Variants in ABHD12 observed in about 807,000 individuals in gnomAD.
ABHD12 encodes lysophosphatidylserine lipase ABHD12.
A neutral mutation model predicts 58.3 loss-of-function variants in ABHD12; 43 were observed. The observed-to-expected ratio is 0.74, with a 90% confidence interval of 0.58 to 0.95. ABHD12 has a LOEUF of 0.95. Ranked by LOEUF, ABHD12 falls within the 40% of genes least tolerant of loss-of-function variation. The probability of loss-of-function intolerance (pLI) is 0.00; values close to 1 mark genes in which losing one functional copy is unlikely to be tolerated. For missense variants in ABHD12, 539 were observed against 537.2 expected, an observed-to-expected ratio of 1.00 and a Z score of -0.03; for synonymous variants, 219 against 211.2, an observed-to-expected ratio of 1.04 and a Z score of -0.32.
At position 25,301,198 on chromosome 20, in the gene ABHD12, G is replaced by C. The variant is rs2259928; in HGVS notation, c.1158-314C>G. On this transcript the variant is annotated intron_variant, in intron 12 of 12. Coordinates refer to ENST00000339157, the MANE Select transcript of ABHD12 (RefSeq NM_001042472.3). ...TTTTATAATGGGGAAAATTATAACC[G>C]CAAAGCAAACCCATACTCTGAGCCC... Among the ~76,000 whole-genome samples, 68,453 of 152,066 alleles carry C rather than the reference G, an allele frequency of 0.45. 16,026 individuals carry two copies. The highest frequency in any genetic ancestry group is 0.92 in the East Asian group (4,755 of 5,178).
chr20:25,299,877 C>T (rs2088605378), downstream of ABHD12, among the ~76,000 whole-genome samples: 1 of 152,164 alleles, frequency 6.6e-6, no homozygotes, highest in Non-Finnish European at 1.5e-5. Flanking sequence ...GTAATGTCTA[C>T]TCAGCTGCTC....
chr20:25,318,001 G>A (rs898101745), intron 4 of ABHD12, among the ~76,000 whole-genome samples: 1 of 152,186 alleles, frequency 6.6e-6, no homozygotes, highest in Non-Finnish European at 1.5e-5. Context: ...GATGGAGGAG[G>A]AAGCCAATAA....
At chr20:25,387,082 T>G (rs2090101315) in intron 1 of ABHD12, among the ~76,000 whole-genome samples, 1 of 152,050 alleles carries the variant, frequency 6.6e-6, no homozygotes, top group East Asian at 1.9e-4. Context: ...ATTTTTTATT[T>G]TAAAAACATC....
At chr20:25,338,956 G>A (rs980990783) in intron 2 of ABHD12, 13 of 1,234,662 alleles carry the variant, frequency 1.1e-5, no homozygotes, top group Middle Eastern at 7.0e-4. Context: ...CAGTGCTGGG[G>A]AGCAACACTA....
intron 1 of ABHD12, among the ~76,000 whole-genome samples, chr20:25,374,377 T>C (rs1347119671): frequency 6.6e-6 from 1 of 152,230 alleles, no homozygotes. Context: ...CCCTTCAGTG[T>C]AAACTTTACC....
Position 25,307,977 on chromosome 20 carries a change from G to T in ABHD12, c.856C>A (p.Pro286Thr). The stretch of plus-strand genomic sequence containing the variant: ...AAATCTGTACTTGCCACTGAAAATG[G>T]ATGGCTCTTAGCTTCTTCGCGGATA... ...TNIREEAKSHPFSVIYRYFPG... is the reference protein window; with the variant it reads ...TNIREEAKSHTFSVIYRYFPG... The change falls in exon 9 of 13, where the codon CCA (proline) becomes ACA (threonine). Residue 286 changes from proline to threonine, a missense_variant. By Grantham distance (38) the Pro-to-Thr change is conservative. Transcript: ENST00000339157. The T allele has an allele frequency of 1.3e-6, 2 of 1,599,848 alleles. No individual in the cohort carries two copies. Among genetic ancestry groups the T allele is most frequent in the East Asian group, 2.2e-5 (1 of 44,874 alleles).
Position 25,314,918 on chromosome 20 carries a change from A to C in ABHD12, c.619+7T>G, listed in dbSNP as rs2088931990. ...GTGCTCAGATGCTCTTGCAAAAGAA[A>C]TCTCACCTCTGTAGTCAAAGGTGAC... On this transcript the variant is annotated splice_region_variant and intron_variant, in intron 6 of 12. Coordinates refer to ENST00000339157, the MANE Select transcript of ABHD12 (RefSeq NM_001042472.3). The C allele has an allele frequency of 6.2e-7, 1 of 1,614,012 alleles. No homozygotes were observed. Among genetic ancestry groups the C allele is most frequent in the Non-Finnish European group, 8.5e-7 (1 of 1,179,998 alleles).
chr20:25,367,417 G>T (rs112949908), intron 1 of ABHD12, among the ~76,000 whole-genome samples: 41 of 152,196 alleles, frequency 2.7e-4, no homozygotes, highest in African/African-American at 9.2e-4. Flanking sequence ...TTTTTTACAC[G>T]TAACAAAATT....
intron 1 of ABHD12, among the ~76,000 whole-genome samples, chr20:25,389,325 C>A (rs1375155454): frequency 1.3e-5 from 2 of 152,136 alleles, no homozygotes; most frequent in Non-Finnish European, 2.9e-5. Context: ...GTCAAACCAT[C>A]GACTTAGAAG....
At chr20:25,378,460 G>C (rs957202955) in intron 1 of ABHD12, among the ~76,000 whole-genome samples, 3 of 152,180 alleles carry the variant, frequency 2.0e-5, no homozygotes, top group Non-Finnish European at 4.4e-5. Context: ...TCCAGGACCA[G>C]GAGTGGCAAA....
intron 6 of ABHD12, among the ~76,000 whole-genome samples, 198 bp from the exon 7 acceptor site, chr20:25,309,773 A>G (rs1471195718): frequency 1.3e-5 from 2 of 152,100 alleles, no homozygotes; most frequent in Non-Finnish European, 2.9e-5. Flanking sequence ...CCACATCCCC[A>G]CCAGCCCTGG....
intron 10 of ABHD12, among the ~76,000 whole-genome samples, chr20:25,305,369 T>TC (rs976333476): frequency 6.7e-5 from 10 of 149,450 alleles, no homozygotes; most frequent in Non-Finnish European, 3.0e-5. Context: ...CTTTCCCTCT[T>TC]TTTTTTTTTT....
rs1050464208 is a variant in ABHD12, at chr20:25,356,502, G to A, written c.192-17151C>T. ...TGGGCCTTCAGGGCCTTGCTGAACA[G>A]CAGCTGGGCAGGGAGTGTGGCAGAG... On this transcript the variant is annotated intron_variant, in intron 1 of 12. Coordinates refer to ENST00000339157, the MANE Select transcript of ABHD12 (RefSeq NM_001042472.3). Among the ~76,000 whole-genome samples, 9 of 152,370 alleles carry A rather than the reference G, an allele frequency of 5.9e-5. No individual in the cohort carries two copies. In the South Asian group the frequency reaches 1.9e-3, roughly 32 times the overall value.
intron 11 of ABHD12, among the ~76,000 whole-genome samples, chr20:25,302,818 G>C (rs143613258): frequency 2.2e-4 from 34 of 152,286 alleles, no homozygotes; most frequent in Middle Eastern, 6.8e-3. Flanking sequence ...GCCCTGTGTG[G>C]CTCCGTCATC....
intron 5 of ABHD12, 129 bp from the exon 6 acceptor site, chr20:25,315,099 T>A (rs2088935237): frequency 2.1e-6 from 2 of 943,382 alleles, no homozygotes; most frequent in African/African-American, 1.6e-5. Context: ...TCATAAAGAC[T>A]GTGACATGCT....
chr20:25,350,959 T>TCACACACACACACACA (rs61061019), intron 1 of ABHD12, among the ~76,000 whole-genome samples: 1 of 142,222 alleles, frequency 7.0e-6, no homozygotes, highest in Non-Finnish European at 1.5e-5. Flanking sequence ...TACGAATCCT[T>TCACACACACACACACA]CACACACACA....
chr20:25,368,724 C>T, intron 1 of ABHD12: 1 of 1,224,472 alleles, frequency 8.2e-7, no homozygotes, highest in Admixed American at 1.7e-5. Flanking sequence ...GGCCCAAGGG[C>T]TTGCCTTCGT....
Position 25,390,495 on chromosome 20 carries a change from C to A in ABHD12, c.191+18G>T, listed in dbSNP as rs1287394131. ...GGGACCGGCCCCCCCCCCCCCCCCG[C>A]TCCGCGCGAAGCCTCACCTGCCCAG... On this transcript the variant is annotated intron_variant, in intron 1 of 12. Transcript: ENST00000339157. The A allele has an allele frequency of 7.4e-7, 1 of 1,357,460 alleles. No individual in the cohort carries two copies. 84.1% of individuals were successfully genotyped at this position (1,357,460 alleles called of 1,614,324 possible).
chr20:25,332,397 C>A (rs1182561463), intron 2 of ABHD12, among the ~76,000 whole-genome samples: 1 of 151,950 alleles, frequency 6.6e-6, no homozygotes, highest in Non-Finnish European at 1.5e-5. Flanking sequence ...GACAGATCAA[C>A]GAGACAGAAA....
Sources: allele counts gnomAD v4.1 joint callset (sites outside exome capture counted in the v4.1 genomes callset), GRCh38; gene constraint gnomAD v4.1.1; transcripts MANE v1.5; gene names NCBI Gene and HGNC (gene_info 2026-07-23, HGNC 2026-07-21).